Variants in SCARA3 observed in about 807,000 individuals in gnomAD.
SCARA3 encodes the protein cellular stress response gene protein.
A neutral mutation model predicts 47.0 loss-of-function variants in SCARA3; 39 were observed. That is an observed-to-expected ratio of 0.83 (90% CI 0.64 to 1.08). The LOEUF (loss-of-function observed/expected upper bound fraction) is 1.08. Ranked by LOEUF, SCARA3 falls within the 50% of genes least tolerant of loss-of-function variation. The probability of loss-of-function intolerance (pLI) is 0.00; values close to 1 mark genes in which losing one functional copy is unlikely to be tolerated. For missense variants in SCARA3, 724 were observed against 792.3 expected (o/e 0.91, Z 1.04); for synonymous variants, 356 against 334.1 (o/e 1.07, Z -0.71).
At chr8:27,661,686 ACCTTCTT>A (rs1188491343) in intron 5 of SCARA3, among the ~76,000 whole-genome samples, 1 of 152,096 alleles carries the variant, frequency 6.6e-6, no homozygotes, top group Non-Finnish European at 1.5e-5. Flanking sequence ...ATTCATCACC[ACCTTCTT>A]CCACTCCCCA....
the SCARA3 span, among the ~76,000 whole-genome samples, chr8:27,710,241 A>AG: frequency 1.3e-5 from 2 of 152,050 alleles, no homozygotes; most frequent in African/African-American, 4.8e-5. Context: ...AAAAAAAAAA[A>AG]AAAAAAAAGG....
chr8:27,707,884 T>G, the SCARA3 span, among the ~76,000 whole-genome samples: 5 of 151,422 alleles, frequency 3.3e-5, no homozygotes, highest in African/African-American at 1.2e-4. Flanking sequence ...CTAAAAATGA[T>G]GGGAGAAAAT....
intron 1 of SCARA3, among the ~76,000 whole-genome samples, chr8:27,635,832 C>G (rs1801239074): frequency 6.6e-6 from 1 of 152,096 alleles, no homozygotes; most frequent in Non-Finnish European, 1.5e-5. Context: ...TACACTGGGC[C>G]CCACAAATTA....
the SCARA3 span, chr8:27,734,080 C>T: frequency 1.3e-5 from 2 of 152,172 alleles, no homozygotes; most frequent in Non-Finnish European, 2.9e-5. Flanking sequence ...AACTAATGTC[C>T]ATCACTTATT....
chr8:27,720,771 C>T, the SCARA3 span, among the ~76,000 whole-genome samples: 1 of 150,996 alleles, frequency 6.6e-6, no homozygotes, highest in African/African-American at 2.4e-5. Flanking sequence ...TATTTATCCA[C>T]CCACCCCTCT....
At chr8:27,731,141 C>T in the SCARA3 span, among the ~76,000 whole-genome samples, 2 of 149,322 alleles carry the variant, frequency 1.3e-5, no homozygotes, top group African/African-American at 4.9e-5. Flanking sequence ...TCCCTGTCCC[C>T]CAGGCTGGAG....
the SCARA3 span, among the ~76,000 whole-genome samples, chr8:27,683,892 A>G: frequency 3.9e-3 from 601 of 152,256 alleles, 6 homozygotes; most frequent in African/African-American, 0.014. Flanking sequence ...AATATAAGGA[A>G]TGACATGAAA....
Position 27,656,749 on chromosome 8 carries a change from C to A in SCARA3, c.227-33C>A, listed in dbSNP as rs751579599. 6.7e-6 allele frequency: 9 copies of A among 1,352,582 alleles called. No homozygotes were observed. The South Asian group carries it at 1.0e-4, about 16-fold the overall frequency. 83.8% of individuals were successfully genotyped at this position (1,352,582 alleles called of 1,614,324 possible). The stretch of plus-strand genomic sequence containing the variant: ...GACTGCTGTTTCTCTGAGCTTAGAC[C>A]CTGCCCCAGCTTCTCATCTGTTTTC... On this transcript the variant is annotated intron_variant, in intron 3 of 5. Transcript: ENST00000301904.
chr8:27,727,416 C>G, the SCARA3 span, among the ~76,000 whole-genome samples: 10 of 152,254 alleles, frequency 6.6e-5, no homozygotes, highest in Non-Finnish European at 1.5e-4. Flanking sequence ...AGGGTTTACT[C>G]TCTCCTGCCA....
At chr8:27,706,235 A>C in the SCARA3 span, among the ~76,000 whole-genome samples, 1 of 152,178 alleles carries the variant, frequency 6.6e-6, no homozygotes, top group African/African-American at 2.4e-5. Context: ...CACTCACTGC[A>C]AACTCTGCCT....
At chr8:27,647,061 G>A (rs1425392296) in intron 1 of SCARA3, among the ~76,000 whole-genome samples, 1 of 142,424 alleles carries the variant, frequency 7.0e-6, no homozygotes, top group Non-Finnish European at 1.5e-5. Context: ...GATTCCGGAA[G>A]CTTTGCCACT....
downstream of SCARA3, among the ~76,000 whole-genome samples, chr8:27,678,030 G>T (rs574624266): frequency 6.6e-6 from 1 of 152,286 alleles, no homozygotes; most frequent in African/African-American, 2.4e-5. Context: ...TGAAATTTGT[G>T]TGATACCGCT....
chr8:27,675,070 A>G (rs1032438710), downstream of SCARA3, among the ~76,000 whole-genome samples: 3 of 152,150 alleles, frequency 2.0e-5, no homozygotes, highest in African/African-American at 7.2e-5. Context: ...GCTGGAAGCC[A>G]CAGACCTGGC....
the SCARA3 span, among the ~76,000 whole-genome samples, chr8:27,686,971 T>C: frequency 1.4e-5 from 2 of 141,962 alleles, no homozygotes; most frequent in African/African-American, 5.0e-5. Context: ...ACAGGCCCCA[T>C]TGTGAACAAC....
Position 27,671,043 on chromosome 8 carries a change from G to C in SCARA3, c.1513G>C (p.Gly505Arg). 2 of 1,612,516 alleles carry C rather than the reference G, an allele frequency of 1.2e-6. No individual in the cohort carries two copies. Among genetic ancestry groups the C allele is most frequent in the South Asian group, 2.2e-5 (2 of 91,038 alleles). The change falls in exon 6 of 6, where the codon GGG becomes CGG. Residue 505 changes from glycine (G) to arginine (R), a missense_variant. Physicochemically the swap from Gly to Arg is moderately radical, Grantham distance 125. Coordinates refer to ENST00000301904, the MANE Select transcript of SCARA3 (RefSeq NM_016240.3). ...QGPQGQPGEA[G>R]PVGERGPVGP... ...TCCTCAGGGGCAACCTGGAGAGGCC[G>C]GGCCTGTGGGAGAAAGGGGCCCTGT... is the stretch of plus-strand genomic sequence containing the variant.
intron 3 of SCARA3, among the ~76,000 whole-genome samples, chr8:27,653,832 A>G (rs1176335536): frequency 6.6e-6 from 1 of 152,190 alleles, no homozygotes; most frequent in Non-Finnish European, 1.5e-5. Context: ...GGAGCTTATA[A>G]TCTAGAGCTG....
chr8:27,718,387 G>T, the SCARA3 span, among the ~76,000 whole-genome samples: 1 of 152,236 alleles, frequency 6.6e-6, no homozygotes, highest in Non-Finnish European at 1.5e-5. Context: ...TATTTGGATT[G>T]AAAAAAACAG....
chr8:27,654,829 G>C (rs1440146572), intron 3 of SCARA3, among the ~76,000 whole-genome samples: 2 of 151,754 alleles, frequency 1.3e-5, no homozygotes, highest in Admixed American at 1.3e-4. Flanking sequence ...AAAAAGAAAT[G>C]AACAGGTGAA....
At chr8:27,704,660 T>C in the SCARA3 span, among the ~76,000 whole-genome samples, 1 of 152,118 alleles carries the variant, frequency 6.6e-6, no homozygotes, top group Non-Finnish European at 1.5e-5. Flanking sequence ...TAGCTGTGGT[T>C]CCAGCTGTGT....
Sources: gnomAD v4.1 joint callset for allele counts (sites outside exome capture counted in the v4.1 genomes callset) on GRCh38, gnomAD v4.1.1 for gene constraint, MANE v1.5 for transcripts, NCBI Gene and HGNC (gene_info 2026-07-23, HGNC 2026-07-21) for gene names.